The following RABGAP1L variants were observed in gnomAD, a reference collection of about 807,000 sequenced individuals.
The protein encoded by RABGAP1L is rab GTPase-activating protein 1-like.
Under a neutral mutation model 137.7 loss-of-function variants are expected in RABGAP1L, and 63 were observed. The observed-to-expected ratio is 0.46, with a 90% CI of 0.37 to 0.56. RABGAP1L has a LOEUF of 0.56. RABGAP1L is among the 20% of genes least tolerant of loss of function. The pLI, the probability that RABGAP1L is intolerant of heterozygous loss-of-function variation, is 0.00. For missense variants in RABGAP1L, 1,095 were observed against 1,244.0 expected (o/e 0.88, Z 1.80); for synonymous variants, 431 against 433.7 (o/e 0.99, Z 0.08).
At chr1:174,515,741 A>G (rs1662766442) in intron 13 of RABGAP1L, among the ~76,000 whole-genome samples, 1 of 152,166 alleles carries the variant, frequency 6.6e-6, no homozygotes, top group South Asian at 2.1e-4. Context: ...TGCTCTCTGC[A>G]TATTTACTGA....
intron 21 of RABGAP1L, among the ~76,000 whole-genome samples, chr1:174,974,145 T>A (rs963009114): frequency 5.3e-5 from 8 of 152,042 alleles, no homozygotes; most frequent in African/African-American, 1.9e-4. Flanking sequence ...CCTGCCACCA[T>A]GCCCGGCTAA....
At chr1:174,922,413 G>T in intron 19 of RABGAP1L, 2 of 175,740 alleles carry the variant, frequency 1.1e-5, no homozygotes, top group South Asian at 2.6e-4. Context: ...TTTTTGGCAT[G>T]ACCATTGTTC....
chr1:174,327,403 GT>G (rs947125199), intron 11 of RABGAP1L, among the ~76,000 whole-genome samples: 1 of 151,662 alleles, frequency 6.6e-6, no homozygotes, highest in African/African-American at 2.4e-5. Flanking sequence ...TGGAGTTAGT[GT>G]TTTTTTTGAA....
chr1:174,599,483 C>G (rs1288400038), intron 13 of RABGAP1L, among the ~76,000 whole-genome samples: 2 of 152,210 alleles, frequency 1.3e-5, no homozygotes, highest in African/African-American at 2.4e-5. Context: ...CATTCCCTTT[C>G]TGATTGAAGT....
At chr1:174,183,287 C>T (rs1409631138) in intron 1 of RABGAP1L, among the ~76,000 whole-genome samples, 1 of 152,092 alleles carries the variant, frequency 6.6e-6, no homozygotes, top group Admixed American at 6.6e-5. Context: ...TTGCCCAGGC[C>T]CTGCCGTGGT....
Position 174,649,181 on chromosome 1 carries a change from G to A in RABGAP1L, c.1824+11693G>A, listed in dbSNP as rs138159612. ...TTTGCCAGTCTGTGTCTTTTAATTC[G>A]GGCATTTAGCCTGTTTACATTTAAG... On this transcript the variant is annotated intron_variant, in intron 14 of 25. Coordinates refer to ENST00000681986, the MANE Select transcript of RABGAP1L (RefSeq NM_001366446.1). Among the ~76,000 whole-genome samples, 721 of 152,038 alleles carry A rather than the reference G, an allele frequency of 4.7e-3. 7 individuals carry two copies. The highest frequency in any genetic ancestry group is 0.016 in the African/African-American group (682 of 41,434).
chr1:174,339,786 T>C (rs1681808849), intron 11 of RABGAP1L, among the ~76,000 whole-genome samples: 1 of 152,050 alleles, frequency 6.6e-6, no homozygotes, highest in African/African-American at 2.4e-5. Context: ...TTTGTATTTT[T>C]AGTAGAGATG....
chr1:174,368,883 A>G (rs1000569567), intron 11 of RABGAP1L, among the ~76,000 whole-genome samples: 1 of 152,128 alleles, frequency 6.6e-6, no homozygotes, highest in Non-Finnish European at 1.5e-5. Flanking sequence ...CATCAGTATT[A>G]TTGTCTAATT....
chr1:174,517,344 T>G (rs1407036689), intron 13 of RABGAP1L, among the ~76,000 whole-genome samples: 2 of 152,192 alleles, frequency 1.3e-5, no homozygotes, highest in African/African-American at 4.8e-5. Flanking sequence ...GAAACATACC[T>G]TTTGCAATAT....
intron 14 of RABGAP1L, among the ~76,000 whole-genome samples, chr1:174,640,937 T>A (rs923766978): frequency 6.8e-6 from 1 of 147,246 alleles, no homozygotes; most frequent in African/African-American, 2.5e-5. Flanking sequence ...GTGTTTTCTA[T>A]ATTAAATATA....
intron 19 of RABGAP1L, among the ~76,000 whole-genome samples, chr1:174,939,529 C>T (rs1461150765): frequency 7.0e-6 from 1 of 143,314 alleles, no homozygotes; most frequent in African/African-American, 2.7e-5. Context: ...CTGGGTGATA[C>T]AGCGAGACTC....
chr1:174,665,882 A>G (rs959003768), intron 14 of RABGAP1L, among the ~76,000 whole-genome samples: 3 of 152,246 alleles, frequency 2.0e-5, no homozygotes, highest in Non-Finnish European at 1.5e-5. Flanking sequence ...AGTAGTAACT[A>G]ATAAATAAAT....
At position 174,525,556 on chromosome 1, in the gene RABGAP1L, T is replaced by C. The variant is rs182027452; in HGVS notation, c.1711-111819T>C. Among the ~76,000 whole-genome samples the C allele has an allele frequency of 6.8e-3, 1,034 of 152,296 alleles. 13 individuals carry two copies. The highest frequency in any genetic ancestry group is 0.023 in the African/African-American group (975 of 41,580). On this transcript the variant is annotated intron_variant, in intron 13 of 25. Coordinates refer to ENST00000681986, the MANE Select transcript of RABGAP1L (RefSeq NM_001366446.1). ...GATTTTTTGTTGGACTCTTTTAGTT[T>C]TTCTAAACATAAGATCATGTCATCT...
chr1:174,240,754 G>A (rs1024400722), intron 4 of RABGAP1L, among the ~76,000 whole-genome samples: 1 of 152,172 alleles, frequency 6.6e-6, no homozygotes, highest in African/African-American at 2.4e-5. Flanking sequence ...TCCAGGAATA[G>A]TCTATACTAT....
At chr1:174,624,272 A>G (rs1425347513) in intron 13 of RABGAP1L, among the ~76,000 whole-genome samples, 2 of 152,178 alleles carry the variant, frequency 1.3e-5, no homozygotes, top group Non-Finnish European at 2.9e-5. Flanking sequence ...CACTTTCACC[A>G]CTTTACCACT....
At chr1:174,670,795 TTGA>T (rs1209204489) in intron 14 of RABGAP1L, among the ~76,000 whole-genome samples, 3 of 152,202 alleles carry the variant, frequency 2.0e-5, no homozygotes, top group Non-Finnish European at 2.9e-5. Flanking sequence ...CATTCATCTG[TTGA>T]TGGACTCTGT....
chr1:174,722,107 T>G (rs529958983), intron 17 of RABGAP1L, among the ~76,000 whole-genome samples: 1 of 152,194 alleles, frequency 6.6e-6, no homozygotes, highest in East Asian at 1.9e-4. Flanking sequence ...AATTTTTGTA[T>G]TTTTAGTAGA....
At chr1:174,304,065 T>G (rs1677968647) in intron 10 of RABGAP1L, among the ~76,000 whole-genome samples, 1 of 152,190 alleles carries the variant, frequency 6.6e-6, no homozygotes, top group Non-Finnish European at 1.5e-5. Context: ...TTAGATACTC[T>G]TTATCAGGTT....
chr1:174,320,664 T>A (rs1397496007), intron 11 of RABGAP1L, among the ~76,000 whole-genome samples: 1 of 152,180 alleles, frequency 6.6e-6, no homozygotes, highest in Non-Finnish European at 1.5e-5. Context: ...TACTGCAGTC[T>A]CTGAACATAA....
Sources: gnomAD v4.1 joint callset for allele counts (sites outside exome capture counted in the v4.1 genomes callset) on GRCh38, gnomAD v4.1.1 for gene constraint, MANE v1.5 for transcripts, NCBI Gene and HGNC (gene_info 2026-07-23, HGNC 2026-07-21) for gene names.